HS6ST3: variants seen among roughly 807,000 people sequenced by gnomAD.
HS6ST3 encodes heparan sulfate 6-O-sulfotransferase 3, also known as heparan-sulfate 6-O-sulfotransferase 3.
A neutral mutation model predicts 36.7 loss-of-function variants in HS6ST3; 12 were observed. The ratio of observed to expected loss-of-function variants is 0.33; its 90% CI spans 0.21 to 0.53. The LOEUF is 0.53. HS6ST3 is among the 20% of genes least tolerant of loss of function. HS6ST3 has a pLI of 0.95. For synonymous variants in HS6ST3, 240 were observed against 257.5 expected (o/e 0.93, Z 0.65); for missense variants, 584 against 640.9 (o/e 0.91, Z 0.96).
chr13:96,643,196 A>G (rs1249061527), intron 1 of HS6ST3, among the ~76,000 whole-genome samples: 1 of 151,976 alleles, frequency 6.6e-6, no homozygotes, highest in African/African-American at 2.4e-5. Flanking sequence ...ACTTTTTTAT[A>G]TGCCTGAAAC....
chr13:96,746,216 T>C (rs191406287), intron 1 of HS6ST3, among the ~76,000 whole-genome samples: 1 of 152,092 alleles, frequency 6.6e-6, no homozygotes, highest in African/African-American at 2.4e-5. Flanking sequence ...ACCTTTAACA[T>C]TTTTAATATA....
chr13:96,481,449 G>T (rs1245345105), intron 1 of HS6ST3, among the ~76,000 whole-genome samples: 1 of 152,112 alleles, frequency 6.6e-6, no homozygotes, highest in Non-Finnish European at 1.5e-5. Flanking sequence ...TTCAGTACAT[G>T]AATTAAGAGT....
chr13:96,830,532 C>T (rs751877412), intron 1 of HS6ST3, among the ~76,000 whole-genome samples: 2 of 152,160 alleles, frequency 1.3e-5, no homozygotes, highest in Admixed American at 6.5e-5. Context: ...TTTATTTTAT[C>T]ATCAAGTTTC....
chr13:96,163,518 T>C (rs756827450), intron 1 of HS6ST3, among the ~76,000 whole-genome samples: 43 of 152,212 alleles, frequency 2.8e-4, no homozygotes, highest in East Asian at 1.4e-3. Flanking sequence ...CGTGAGCCAC[T>C]GCACCCAGCC....
rs2139008449 is a variant in HS6ST3 at position 96,644,122 on chromosome 13, G to A, written c.708-188368G>A. Among the ~76,000 whole-genome samples, 3 of 151,918 alleles carry A rather than the reference G, an allele frequency of 2.0e-5. No homozygotes were observed. The South Asian group carries it at 6.2e-4, about 32-fold the overall frequency. On this transcript the variant is annotated intron_variant, in intron 1 of 1. Transcript: ENST00000376705. ...GACTCAATAAATGATGTTTGTTTTT[G>A]TTATCAATTAGCTAACCAACTTCAT...
At chr13:96,487,873 A>G (rs1184400730) in intron 1 of HS6ST3, among the ~76,000 whole-genome samples, 1 of 152,098 alleles carries the variant, frequency 6.6e-6, no homozygotes, top group East Asian at 1.9e-4. Context: ...TTTTTTGTCT[A>G]TTGCCAAATT....
chr13:96,366,881 G>A (rs545560483), intron 1 of HS6ST3, among the ~76,000 whole-genome samples: 103 of 152,186 alleles, frequency 6.8e-4, no homozygotes, highest in African/African-American at 2.3e-3. Context: ...AATAAGTCTC[G>A]CAAGACCTGA....
At chr13:96,177,529 C>T (rs112388946) in intron 1 of HS6ST3, among the ~76,000 whole-genome samples, 1,881 of 152,034 alleles carry the variant, frequency 0.012, 39 homozygotes, top group African/African-American at 0.043. Flanking sequence ...GAACAGAAAA[C>T]CAAATACTGC....
intron 1 of HS6ST3, among the ~76,000 whole-genome samples, chr13:96,546,019 A>G: frequency 6.6e-6 from 1 of 152,194 alleles, no homozygotes; most frequent in East Asian, 1.9e-4. Flanking sequence ...TAAATCATAA[A>G]TGGAAGGGTG....
intron 1 of HS6ST3, among the ~76,000 whole-genome samples, chr13:96,148,997 C>T (rs1247468275): frequency 6.6e-6 from 1 of 152,080 alleles, no homozygotes; most frequent in African/African-American, 2.4e-5. Context: ...GGATTGGTTC[C>T]AAAACAAAAT....
intron 1 of HS6ST3, among the ~76,000 whole-genome samples, chr13:96,601,736 CTATT>C (rs2056422433): frequency 6.6e-6 from 1 of 151,908 alleles, no homozygotes; most frequent in Non-Finnish European, 1.5e-5. Context: ...TTTTGGTAGA[CTATT>C]TATTGTGATT....
chr13:96,588,191 CTT>C (rs151005715), intron 1 of HS6ST3, among the ~76,000 whole-genome samples: 1,895 of 145,498 alleles, frequency 0.013, 45 homozygotes, highest in African/African-American at 0.045. Flanking sequence ...GACAATTTAC[CTT>C]TTTTTTTTTT....
intron 1 of HS6ST3, among the ~76,000 whole-genome samples, chr13:96,488,974 G>A (rs1490863517): frequency 1.3e-5 from 2 of 151,996 alleles, no homozygotes; most frequent in African/African-American, 4.8e-5. Context: ...TTAATACAGT[G>A]TGTGTGATCC....
intron 1 of HS6ST3, among the ~76,000 whole-genome samples, chr13:96,162,552 G>T (rs1594699833): frequency 1.3e-5 from 2 of 152,180 alleles, no homozygotes; most frequent in East Asian, 3.9e-4. Context: ...TCAGAAGGGA[G>T]GTAGGGAAGA....
At chr13:96,276,740 G>A (rs1002845841) in intron 1 of HS6ST3, among the ~76,000 whole-genome samples, 5 of 152,146 alleles carry the variant, frequency 3.3e-5, no homozygotes, top group Non-Finnish European at 7.4e-5. Context: ...AGGTTATGTG[G>A]AAGATTCTTA....
intron 1 of HS6ST3, among the ~76,000 whole-genome samples, chr13:96,610,848 A>G (rs1476554349): frequency 2.0e-5 from 3 of 151,352 alleles, no homozygotes; most frequent in African/African-American, 7.3e-5. Context: ...TGTGCTGAAA[A>G]AAATGAAAAA....
At chr13:96,093,979 G>A (rs1173753634) in intron 1 of HS6ST3, among the ~76,000 whole-genome samples, 1 of 152,170 alleles carries the variant, frequency 6.6e-6, no homozygotes, top group Non-Finnish European at 1.5e-5. Context: ...AGTAGATCTT[G>A]TTGATTTTGG....
chr13:96,307,999 G>A (rs1268567712), intron 1 of HS6ST3, among the ~76,000 whole-genome samples: 1 of 152,068 alleles, frequency 6.6e-6, no homozygotes, highest in African/African-American at 2.4e-5. Context: ...GAGAGAAGAT[G>A]AAGAGTCAAG....
intron 1 of HS6ST3, among the ~76,000 whole-genome samples, chr13:96,295,481 C>T (rs1406029379): frequency 6.6e-6 from 1 of 152,052 alleles, no homozygotes; most frequent in East Asian, 1.9e-4. Flanking sequence ...TTTTTAAGGG[C>T]TGAGGGTTCT....
Sources: gnomAD v4.1 joint callset for allele counts (sites outside exome capture counted in the v4.1 genomes callset) on GRCh38, gnomAD v4.1.1 for gene constraint, MANE v1.5 for transcripts, NCBI Gene and HGNC (gene_info 2026-07-23, HGNC 2026-07-21) for gene names.